Variants in HNRNPUL1 observed in about 807,000 individuals in gnomAD.
HNRNPUL1 encodes the protein heterogeneous nuclear ribonucleoprotein U like 1, also known as heterogeneous nuclear ribonucleoprotein U-like protein 1.
In HNRNPUL1, 14 loss-of-function variants were observed where a neutral mutation model predicts 108.5. The ratio of observed to expected loss-of-function variants is 0.13; its 90% CI spans 0.09 to 0.20. The LOEUF is 0.20. HNRNPUL1 is among the 10% of genes least tolerant of loss of function. The probability of loss-of-function intolerance (pLI) is 1.00; values close to 1 mark genes in which losing one functional copy is unlikely to be tolerated. For synonymous variants in HNRNPUL1, 422 were observed against 445.2 expected (o/e 0.95, Z 0.66); for missense variants, 804 against 1,168.3 (o/e 0.69, Z 4.55).
intron 2 of HNRNPUL1, among the ~76,000 whole-genome samples, chr19:41,270,114 C>G (rs978248199): frequency 2.6e-5 from 4 of 152,060 alleles, no homozygotes; most frequent in East Asian, 1.9e-4. Context: ...TCCCAAGTAG[C>G]TGAGATTTCA....
At chr19:41,269,582 C>T (rs2035088928) in intron 2 of HNRNPUL1, among the ~76,000 whole-genome samples, 1 of 151,180 alleles carries the variant, frequency 6.6e-6, no homozygotes, top group Admixed American at 6.6e-5. Flanking sequence ...TCAGGAGGAT[C>T]ACTTGAGCCT....
intron 1 of HNRNPUL1, chr19:41,265,332 T>C (rs2034760895): frequency 1.5e-6 from 2 of 1,356,738 alleles, no homozygotes; most frequent in Admixed American, 2.1e-5. Flanking sequence ...TCCTGGGCGT[T>C]CTCCTATTTG....
chr19:41,302,850 G>A lies in HNRNPUL1; in HGVS notation c.1873G>A (p.Gly625Ser), dbSNP rs745662721. Residue 625 changes from glycine to serine, a missense_variant, in exon 12 of 15, where the codon GGC becomes AGC. Physicochemically the swap from Gly to Ser is moderately conservative, Grantham distance 56. Transcript: ENST00000392006. ...CTTCCGGGGCCGCGGGGGTGGTGGT[G>A]GCTTCCAGCGCTATGAAAACCGAGG... ...GGFRGRGGGGGFQRYENRGPP... is the reference protein window; with the variant it reads ...GGFRGRGGGGSFQRYENRGPP... The A allele has an allele frequency of 3.2e-6, 5 of 1,586,012 alleles. No individual in the cohort carries two copies. Among genetic ancestry groups the A allele is most frequent in the Non-Finnish European group, 4.3e-6 (5 of 1,164,482 alleles).
At chr19:41,297,482 G>C (rs1449856542) in intron 10 of HNRNPUL1, among the ~76,000 whole-genome samples, 1 of 152,236 alleles carries the variant, frequency 6.6e-6, no homozygotes, top group East Asian at 1.9e-4. Flanking sequence ...CATTGCTTCA[G>C]GTGTCTCTTT....
At chr19:41,267,174 T>C (rs2034902501) in intron 1 of HNRNPUL1, among the ~76,000 whole-genome samples, 1 of 152,178 alleles carries the variant, frequency 6.6e-6, no homozygotes, top group African/African-American at 2.4e-5. Flanking sequence ...TCACAGCCCC[T>C]CCAACCCCTG....
intron 4 of HNRNPUL1, among the ~76,000 whole-genome samples, chr19:41,274,399 T>C (rs1391180735): frequency 7.2e-5 from 11 of 152,174 alleles, no homozygotes; most frequent in Admixed American, 7.2e-4. Context: ...GGGGTTGTCA[T>C]CTAATCAGGA....
intron 1 of HNRNPUL1, 139 bp downstream of exon 1, chr19:41,264,937 T>G: frequency 1.5e-6 from 2 of 1,327,062 alleles, no homozygotes; most frequent in Non-Finnish European, 1.9e-6. Context: ...CCGAAAAGGA[T>G]CTGGGGACCA....
At chr19:41,303,673 TCTC>T (rs1413938520) in intron 12 of HNRNPUL1, among the ~76,000 whole-genome samples, 16 of 152,190 alleles carry the variant, frequency 1.1e-4, no homozygotes, top group Non-Finnish European at 2.2e-4. Flanking sequence ...TCCTTGAGCA[TCTC>T]CTTCCTGCAT....
In HNRNPUL1 at chr19:41,274,642, ACCT is replaced by A. The variant is rs1224687985; in HGVS notation, c.646+591_646+593del. Among the ~76,000 whole-genome samples the A allele has an allele frequency of 5.9e-5, 9 of 151,730 alleles. No individual in the cohort carries two copies. The East Asian group carries it at 1.2e-3, about 20-fold the overall frequency. On this transcript the variant is annotated intron_variant, in intron 4 of 14. Coordinates refer to ENST00000392006, the MANE Select transcript of HNRNPUL1 (RefSeq NM_007040.6). Reference sequence around the variant, plus strand: ...TTATTATAAAGGTCCTTTCGCTCAGACCTCCTAGTCAAGAGTCTAAGTGGTCGA... The same window carrying A: ...TTATTATAAAGGTCCTTTCGCTCAGACCTAGTCAAGAGTCTAAGTGGTCGA...
At chr19:41,295,418 A>G (rs776403795) in intron 10 of HNRNPUL1, among the ~76,000 whole-genome samples, 1 of 152,238 alleles carries the variant, frequency 6.6e-6, no homozygotes, top group Non-Finnish European at 1.5e-5. Flanking sequence ...ATCTTTCAGC[A>G]TTCTCAAAAG....
Position 41,264,817 on chromosome 19 carries a change from G to T in HNRNPUL1, c.295+19G>T. 7.4e-7 allele frequency: 1 copy of T among 1,342,404 alleles called. No individual in the cohort carries two copies. The highest frequency in any genetic ancestry group is 9.5e-7 in the Non-Finnish European group (1 of 1,051,474). 83.2% of individuals were successfully genotyped at this position (1,342,404 alleles called of 1,614,324 possible). ...GGACATTGTGAGAGTGCGCGGGGCG[G>T]GGGCCGGGGAGCCCGGAGCCTGGGC... On this transcript the variant is annotated intron_variant, in intron 1 of 14. Coordinates refer to ENST00000392006, the MANE Select transcript of HNRNPUL1 (RefSeq NM_007040.6).
At chr19:41,278,152 T>G (rs2035686349) in intron 5 of HNRNPUL1, among the ~76,000 whole-genome samples, 1 of 151,876 alleles carries the variant, frequency 6.6e-6, no homozygotes, top group Non-Finnish European at 1.5e-5. Context: ...GTCTCCCTCC[T>G]GGGTTCAAGC....
chr19:41,279,112 T>G lies in HNRNPUL1; in HGVS notation c.822T>G (p.Ser274=). 6.2e-7 allele frequency: 1 copy of G among 1,614,110 alleles called. No individual in the cohort carries two copies. Among genetic ancestry groups the G allele is most frequent in the Non-Finnish European group, 8.5e-7 (1 of 1,180,020 alleles). Reference sequence around the variant, plus strand: ...AAATCTCCGTGAAGCACCTTCCGTCTACAGAGCCTGACCCCCACGTGGTCC... The same window carrying G: ...AAATCTCCGTGAAGCACCTTCCGTCGACAGAGCCTGACCCCCACGTGGTCC... ...NEEISVKHLP[S]TEPDPHVVRI... is the part of the protein sequence containing the mutation. The change falls in exon 6 of 15, where the codon TCT becomes TCG. Residue 274 remains serine, a synonymous_variant. Transcript: ENST00000392006.
At chr19:41,271,701 C>T (rs975909540) in intron 2 of HNRNPUL1, among the ~76,000 whole-genome samples, 10 of 152,124 alleles carry the variant, frequency 6.6e-5, no homozygotes, top group East Asian at 1.9e-4. Context: ...ATGGCTTAAC[C>T]GGAGTGATTC....
At chr19:41,301,325 G>A (rs2037198886) in intron 10 of HNRNPUL1, among the ~76,000 whole-genome samples, 1 of 152,226 alleles carries the variant, frequency 6.6e-6, no homozygotes, top group South Asian at 2.1e-4. Flanking sequence ...CCTTTGCCCT[G>A]TGCCTGTCTG....
chr19:41,295,004 C>T (rs2036804901), intron 10 of HNRNPUL1, among the ~76,000 whole-genome samples: 1 of 152,192 alleles, frequency 6.6e-6, no homozygotes, highest in South Asian at 2.1e-4. Context: ...CTCGGCTACT[C>T]CCTAGCTCTG....
rs538010129 is a variant in HNRNPUL1 at position 41,300,468 on chromosome 19, A to G, written c.1519-1068A>G. The stretch of plus-strand genomic sequence containing the variant: ...TTACTCCGTTTCTGCTGAGTTCCTG[A>G]GTTTCCATAGGGAGGGTACCTGTAT... On this transcript the variant is annotated intron_variant, in intron 10 of 14. Coordinates refer to ENST00000392006, the MANE Select transcript of HNRNPUL1 (RefSeq NM_007040.6). 1.8e-3 allele frequency among the ~76,000 whole-genome samples: 274 copies of G among 152,104 alleles called. 2 individuals carry two copies. The highest frequency in any genetic ancestry group is 2.2e-3 in the Non-Finnish European group (152 of 68,028).
chr19:41,272,108 G>T lies in HNRNPUL1; in HGVS notation c.445G>T (p.Ala149Ser), dbSNP rs763494208. ...PEMKTEMKQGAPTSFLPPEAS... is the reference protein window; with the variant it reads ...PEMKTEMKQGSPTSFLPPEAS... ...AATGAAGACAGAGATGAAGCAAGGA[G>T]CACCCACCAGCTTCCTCCCGCCTGA... The change falls in exon 3 of 15, where the codon GCA becomes TCA. Residue 149 changes from alanine (A) to serine (S), a missense_variant. Physicochemically the swap from Ala to Ser is moderately conservative, Grantham distance 99. Coordinates refer to ENST00000392006, the MANE Select transcript of HNRNPUL1 (RefSeq NM_007040.6). 1.2e-6 allele frequency: 2 copies of T among 1,614,138 alleles called. No individual in the cohort carries two copies. The highest frequency in any genetic ancestry group is 8.5e-7 in the Non-Finnish European group (1 of 1,180,018).
rs369938610 is a variant in HNRNPUL1, at chr19:41,269,045, G to A, written c.418+700G>A. 3.9e-5 allele frequency among the ~76,000 whole-genome samples: 6 copies of A among 152,006 alleles called. No individual in the cohort carries two copies. In the South Asian group the frequency reaches 1.2e-3, roughly 32 times the overall value. On this transcript the variant is annotated intron_variant, in intron 2 of 14. Coordinates refer to ENST00000392006, the MANE Select transcript of HNRNPUL1 (RefSeq NM_007040.6). Reference sequence around the variant, plus strand: ...ATTATTAGGGGATTCTCAGAAAAGGGTTCCTTAGCCAAATGTGTCTGGAAA... The same window carrying A: ...ATTATTAGGGGATTCTCAGAAAAGGATTCCTTAGCCAAATGTGTCTGGAAA...
Sources: gnomAD v4.1 joint callset for allele counts (sites outside exome capture counted in the v4.1 genomes callset) on GRCh38, gnomAD v4.1.1 for gene constraint, MANE v1.5 for transcripts, NCBI Gene and HGNC (gene_info 2026-07-23, HGNC 2026-07-21) for gene names.